ADRA1B: variants seen among roughly 807,000 people sequenced by gnomAD.
ADRA1B encodes alpha-1B adrenergic receptor.
A neutral mutation model predicts 17.9 loss-of-function variants in ADRA1B; 17 were observed. The observed-to-expected ratio is 0.95, with a 90% CI of 0.65 to 1.42. The LOEUF is 1.42. ADRA1B is among the 40% of genes most tolerant of loss of function. ADRA1B has a pLI of 0.00. For synonymous variants in ADRA1B, 366 were observed against 327.6 expected (o/e 1.12, Z -1.27); for missense variants, 681 against 722.1 (o/e 0.94, Z 0.65).
chr5:159,871,722 G>C (rs1479613882), intron 1 of ADRA1B, among the ~76,000 whole-genome samples: 1 of 152,170 alleles, frequency 6.6e-6, no homozygotes, highest in Non-Finnish European at 1.5e-5. Flanking sequence ...TTAGGACTTA[G>C]ACGTATCTTT....
At chr5:159,983,288 G>A in the ADRA1B span, among the ~76,000 whole-genome samples, 146 of 152,290 alleles carry the variant, frequency 9.6e-4, no homozygotes, top group South Asian at 9.1e-3. Context: ...GCTGTGATCT[G>A]TCCAAGAGAA....
rs1388703456 is a variant in ADRA1B at position 159,917,720 on chromosome 5, G to A, written c.815G>A (p.Gly272Asp). 2 of 1,614,116 alleles carry A rather than the reference G, an allele frequency of 1.2e-6. No individual in the cohort carries two copies. The highest frequency in any genetic ancestry group is 3.3e-5 in the Admixed American group (2 of 60,018). Reference sequence around the variant, plus strand: ...ACCCTTAGCAGTACCAAGGCCAAGGGCCACAACCCCAGGAGTTCCATAGCT... The same window carrying A: ...ACCCTTAGCAGTACCAAGGCCAAGGACCACAACCCCAGGAGTTCCATAGCT... ...EDTLSSTKAKGHNPRSSIAVK... is the reference protein window; with the variant it reads ...EDTLSSTKAKDHNPRSSIAVK... The change falls in exon 1 of 2, where the codon GGC becomes GAC. Residue 272 changes from glycine (G) to aspartate (D), a missense_variant. Transcript: ENST00000306675.
chr5:159,972,106 C>G lies in ADRA1B; in HGVS notation c.1177C>G (p.Arg393Gly). The G allele has an allele frequency of 2.3e-6, 3 of 1,295,724 alleles. No homozygotes were observed. Among genetic ancestry groups the G allele is most frequent in the Non-Finnish European group, 3.0e-6 (3 of 1,015,592 alleles). 80.3% of individuals were successfully genotyped at this position (1,295,724 alleles called of 1,614,324 possible). ...CGCCTACACCTACCGGCCGTGGACG[C>G]GCGGCGGCTCGCTGGAGCGCTCGCA... is the stretch of plus-strand genomic sequence containing the variant. ...GCAYTYRPWT[R>G]GGSLERSQSR... The change falls in exon 2 of 2, where the codon CGC becomes GGC. Residue 393 changes from arginine (R) to glycine (G), a missense_variant. Arg to Gly is a moderately radical substitution (Grantham distance 125). This residue lies in a region of ADRA1B where 251 missense variants were observed against 224.9 expected (regional missense o/e 1.12). Coordinates refer to ENST00000306675, the MANE Select transcript of ADRA1B (RefSeq NM_000679.4).
upstream of ADRA1B, among the ~76,000 whole-genome samples, chr5:159,912,546 G>T (rs977490184): frequency 2.0e-5 from 3 of 152,196 alleles, no homozygotes; most frequent in African/African-American, 7.2e-5. Context: ...GTCACATTCT[G>T]TTCTCTGCTG....
At chr5:159,974,597 T>C (rs1581076456), downstream of ADRA1B, among the ~76,000 whole-genome samples, 1 of 150,316 alleles carries the variant, frequency 6.7e-6, no homozygotes, top group Non-Finnish European at 1.5e-5. Context: ...AATCACACCA[T>C]TGCACTCCAG....
intron 1 of ADRA1B, among the ~76,000 whole-genome samples, chr5:159,867,582 G>A (rs1266106642): frequency 6.6e-6 from 1 of 152,134 alleles, no homozygotes; most frequent in African/African-American, 2.4e-5. Context: ...GTATTTTACA[G>A]CAAGTGGGCT....
At chr5:159,905,242 A>G (rs1010320080) in intron 1 of ADRA1B, among the ~76,000 whole-genome samples, 1 of 152,228 alleles carries the variant, frequency 6.6e-6, no homozygotes, top group African/African-American at 2.4e-5. Context: ...TTTCTAACAC[A>G]AAATTCACTA....
chr5:159,966,718 C>T (rs1755780790), intron 1 of ADRA1B, among the ~76,000 whole-genome samples: 1 of 152,170 alleles, frequency 6.6e-6, no homozygotes, highest in South Asian at 2.1e-4. Flanking sequence ...GTTCAAAAGG[C>T]AATTTGGCTG....
intron 1 of ADRA1B, among the ~76,000 whole-genome samples, chr5:159,924,816 A>G (rs148842335): frequency 9.2e-5 from 14 of 152,350 alleles, no homozygotes; most frequent in Non-Finnish European, 2.1e-4. Flanking sequence ...GCTTTCTGCC[A>G]TATCTGCCGA....
the ADRA1B span, among the ~76,000 whole-genome samples, chr5:159,985,102 C>G: frequency 6.6e-6 from 1 of 152,048 alleles, no homozygotes; most frequent in African/African-American, 2.4e-5. Flanking sequence ...ACACCAGGGA[C>G]AGTCCCTTCT....
chr5:159,930,092 C>G (rs1561596746), intron 1 of ADRA1B, among the ~76,000 whole-genome samples: 1 of 152,166 alleles, frequency 6.6e-6, no homozygotes, highest in South Asian at 2.1e-4. Context: ...GCATAATAAT[C>G]CATTTTACAA....
chr5:159,869,731 C>A (rs979120954), intron 1 of ADRA1B: 1 of 152,200 alleles, frequency 6.6e-6, no homozygotes, highest in Admixed American at 6.5e-5. Context: ...GCTGTGATAC[C>A]TTGAACCAGT....
At chr5:159,891,261 T>G (rs1011521179) in intron 1 of ADRA1B, among the ~76,000 whole-genome samples, 1 of 152,246 alleles carries the variant, frequency 6.6e-6, no homozygotes, top group Non-Finnish European at 1.5e-5. Flanking sequence ...ACAGGCTTAT[T>G]AAATCAATAA....
At chr5:159,975,598 G>C (rs58552301), downstream of ADRA1B, among the ~76,000 whole-genome samples, 10,186 of 152,226 alleles carry the variant, frequency 0.067, 1,158 homozygotes, top group African/African-American at 0.23. Flanking sequence ...TTCATTACTG[G>C]TGTTTGGAGG....
chr5:159,985,460 A>T, the ADRA1B span, among the ~76,000 whole-genome samples: 1 of 152,238 alleles, frequency 6.6e-6, no homozygotes, highest in African/African-American at 2.4e-5. Flanking sequence ...TGAATGAATG[A>T]TGTCTTAATA....
chr5:159,918,593 G>C (rs899101707), intron 1 of ADRA1B, among the ~76,000 whole-genome samples: 32 of 152,316 alleles, frequency 2.1e-4, no homozygotes, highest in African/African-American at 7.7e-4. Flanking sequence ...AATTATAGTT[G>C]TCCCTCATCT....
At chr5:159,984,429 A>G in the ADRA1B span, among the ~76,000 whole-genome samples, 2 of 152,076 alleles carry the variant, frequency 1.3e-5, no homozygotes, top group Admixed American at 1.3e-4. Context: ...TAAACCCCAC[A>G]TCAAGCATCA....
Position 159,943,912 on chromosome 5 carries a change from T to TCA in ADRA1B, c.949+26085_949+26086dup, listed in dbSNP as rs70987984. Reference sequence around the variant, plus strand: ...CATTCTCTCTCTCTCTCTGTCTCTCTCACACACACACACACACACACACAC... The same window carrying TCA: ...CATTCTCTCTCTCTCTCTGTCTCTCTCACACACACACACACACACACACACAC... On this transcript the variant is annotated intron_variant, in intron 1 of 1. Transcript: ENST00000306675. 8.1e-3 allele frequency among the ~76,000 whole-genome samples: 1,188 copies of TCA among 147,500 alleles called. 7 individuals are homozygous for TCA. The highest frequency in any genetic ancestry group is 0.029 in the South Asian group (134 of 4,624).
At chr5:159,894,951 G>T (rs182260900) in intron 1 of ADRA1B, among the ~76,000 whole-genome samples, 132 of 152,184 alleles carry the variant, frequency 8.7e-4, no homozygotes, top group African/African-American at 3.0e-3. Flanking sequence ...ACATACCTCC[G>T]CTAGTTCTTA....
Sources: gnomAD v4.1 joint callset for allele counts (sites outside exome capture counted in the v4.1 genomes callset) on GRCh38, gnomAD v4.1.1 for gene constraint, gnomAD v4.1.1 regional missense constraint, MANE v1.5 for transcripts, NCBI Gene and HGNC (gene_info 2026-07-23, HGNC 2026-07-21) for gene names.